The following SSH3 variants were observed in gnomAD, a reference collection of about 807,000 sequenced individuals.
The protein encoded by SSH3 is protein phosphatase Slingshot homolog 3.
A neutral mutation model predicts 75.0 loss-of-function variants in SSH3; 67 were observed. That is an observed-to-expected ratio of 0.89 (90% CI 0.73 to 1.10). The LOEUF (loss-of-function observed/expected upper bound fraction) is 1.10. SSH3 is among the 50% of genes least tolerant of loss of function. The pLI, the probability that SSH3 is intolerant of heterozygous loss-of-function variation, is 0.00. For missense variants in SSH3, 824 were observed against 872.7 expected (o/e 0.94, Z 0.70); for synonymous variants, 318 against 349.2 (o/e 0.91, Z 1.00).
chr11:67,307,381 G>A lies in SSH3; in HGVS notation c.547G>A (p.Val183Met), dbSNP rs762464804. 10 of 1,613,820 alleles carry A rather than the reference G, an allele frequency of 6.2e-6. No individual in the cohort carries two copies. The highest frequency in any genetic ancestry group is 5.0e-5 in the Admixed American group (3 of 59,990). ...VYLDGDGGFS[V>M]TSGGQSRIFK... is the part of the protein sequence containing the mutation. ...CCTGGTCTCCTGCAGGGGCTTCAGC[G>A]TGACGTCTGGTGGGCAAAGCCGGAT... Residue 183 changes from valine to methionine, a missense_variant, in exon 6 of 14, where the codon GTG becomes ATG. Val to Met is a conservative substitution (Grantham distance 21). Coordinates refer to ENST00000308127, the MANE Select transcript of SSH3 (RefSeq NM_017857.4). This position sits in a 1 kb window ranked among gnomAD's most constrained non-coding sequence, Gnocchi z 4.2.
intron 10 of SSH3, chr11:67,309,139 T>C (rs954375324): frequency 7.9e-6 from 4 of 508,444 alleles, no homozygotes; most frequent in Non-Finnish European, 1.4e-5. Context: ...AACTCATTTC[T>C]GAGAATAACT....
In SSH3 at chr11:67,311,582, C is replaced by T. The variant is rs780760742; in HGVS notation, c.1684-9C>T. On this transcript the variant is annotated splice_polypyrimidine_tract_variant and intron_variant, in intron 13 of 13. Coordinates refer to ENST00000308127, the MANE Select transcript of SSH3 (RefSeq NM_017857.4). ...CTCCCATGGCTTCCGTATCCTCACACCTGTCCAGGTCTTCTCTTCCCACGA... is the reference window on the plus strand; with the variant it reads ...CTCCCATGGCTTCCGTATCCTCACATCTGTCCAGGTCTTCTCTTCCCACGA... 4 of 1,613,822 alleles carry T rather than the reference C, an allele frequency of 2.5e-6. No individual in the cohort carries two copies. In the South Asian group the frequency reaches 4.4e-5, roughly 18 times the overall value.
At chr11:67,311,273 G>A (rs1490806745) in intron 13 of SSH3, among the ~76,000 whole-genome samples, 2 of 152,224 alleles carry the variant, frequency 1.3e-5, no homozygotes, top group African/African-American at 4.8e-5. Context: ...CGCAAAGGCA[G>A]AGAAAGCATA....
rs771867183 is a variant in SSH3, at chr11:67,308,409, C to T, written c.1015-3C>T. The T allele has an allele frequency of 6.2e-7, 1 of 1,612,666 alleles. No homozygotes were observed. Among genetic ancestry groups the T allele is most frequent in the African/African-American group, 1.3e-5 (1 of 75,026 alleles). ...GAGAAATGTGCTGTTCCCTCTCTCC[C>T]AGGGCTCAGAGTGGAACGCAGCAAA... On this transcript the variant is annotated splice_polypyrimidine_tract_variant and splice_region_variant and intron_variant, in intron 9 of 13. Transcript: ENST00000308127. This position sits in a 1 kb window ranked among gnomAD's most constrained non-coding sequence, Gnocchi z 4.9.
Position 67,307,326 on chromosome 11 carries a change from C to T in SSH3, c.537-45C>T, listed in dbSNP as rs372975037. 118 of 1,610,826 alleles carry T rather than the reference C, an allele frequency of 7.3e-5. No homozygotes were observed. Among genetic ancestry groups the T allele is most frequent in the Middle Eastern group, 3.7e-4 (2 of 5,434 alleles). Reference sequence around the variant, plus strand: ...TCCAGCAAAAGGATGGGTTCTCTGTCGCAGAGCCTGGAGTCTGGCCTCACC... The same window carrying T: ...TCCAGCAAAAGGATGGGTTCTCTGTTGCAGAGCCTGGAGTCTGGCCTCACC... On this transcript the variant is annotated intron_variant, in intron 5 of 13. Transcript: ENST00000308127. The surrounding 1 kb of genome is among the most constrained non-coding windows in gnomAD (Gnocchi z 4.2).
Position 67,308,026 on chromosome 11 carries a change from C to G in SSH3, c.885+87C>G. 6.3e-7 allele frequency: 1 copy of G among 1,599,644 alleles called. No homozygotes were observed. The highest frequency in any genetic ancestry group is 8.5e-7 in the Non-Finnish European group (1 of 1,172,184). ...GGAGCCCTCCCCACCTTGCCTGTCT[C>G]CAGTCCTGAGCCATTCCTGGATGCC... On this transcript the variant is annotated intron_variant, in intron 8 of 13. Coordinates refer to ENST00000308127, the MANE Select transcript of SSH3 (RefSeq NM_017857.4). This position sits in a 1 kb window ranked among gnomAD's most constrained non-coding sequence, Gnocchi z 4.9.
At position 67,310,133 on chromosome 11, in the gene SSH3, G is replaced by C. The variant is rs768220266; in HGVS notation, c.1477G>C (p.Val493Leu). Residue 493 changes from valine (V) to leucine (L), a missense_variant, in exon 13 of 14, where the codon GTC becomes CTC. Transcript: ENST00000308127. The stretch of plus-strand genomic sequence containing the variant: ...CCCAGAGGAGCACCCAGCCCCTGAA[G>C]TCTCTACACCATTCCCACCTCTTCC... ...VSPEEHPAPE[V>L]STPFPPLPPE... 10 of 1,614,088 alleles carry C rather than the reference G, an allele frequency of 6.2e-6. No individual in the cohort carries two copies. Among genetic ancestry groups the C allele is most frequent in the Non-Finnish European group, 8.5e-6 (10 of 1,180,054 alleles).
chr11:67,305,133 TG>T, intron 3 of SSH3, 126 bp downstream of exon 3: 2 of 886,686 alleles, frequency 2.3e-6, no homozygotes, highest in Admixed American at 5.0e-5. Context: ...TGGGGAGTGT[TG>T]GGGTTACCCA....
At chr11:67,310,402 A>G in intron 13 of SSH3, 63 bp downstream of exon 13, 1 of 1,541,970 alleles carries the variant, frequency 6.5e-7, no homozygotes, top group Non-Finnish European at 8.7e-7. Flanking sequence ...GGAGATGGGG[A>G]AAGACCAGGA....
Position 67,308,290 on chromosome 11 carries a change from C to T in SSH3, c.1002C>T (p.Pro334=), listed in dbSNP as rs768635460. 31 of 1,614,034 alleles carry T rather than the reference C, an allele frequency of 1.9e-5. No homozygotes were observed. In the South Asian group the frequency reaches 3.1e-4, roughly 16 times the overall value. ...GGGACCGAGCCTCCCGCATCTTCCC[C>T]CACCTCTACCTGGTGAGCTTCAGCC... ...AQRDRASRIF[P]HLYLGSEWNA... is the part of the protein sequence containing the mutation. Residue 334 remains proline, a synonymous_variant, in exon 9 of 14, where the codon CCC becomes CCT. Transcript: ENST00000308127. The surrounding 1 kb of genome is among the most constrained non-coding windows in gnomAD (Gnocchi z 4.9).
Position 67,310,095 on chromosome 11 carries a change from T to C in SSH3, c.1439T>C (p.Val480Ala), listed in dbSNP as rs1861369657. ...CAGAGCCATGTCTGGGAGCAGAAAG[T>C]GGGTGGGGTCTCCCCAGAGGAGCAC... is the stretch of plus-strand genomic sequence containing the variant. Reference protein sequence around the residue: ...SRQSHVWEQKVGGVSPEEHPA... With the variant: ...SRQSHVWEQKAGGVSPEEHPA... The change falls in exon 13 of 14, where the codon GTG becomes GCG. Residue 480 changes from valine (V) to alanine (A), a missense_variant. Coordinates refer to ENST00000308127, the MANE Select transcript of SSH3 (RefSeq NM_017857.4). 3 of 1,613,628 alleles carry C rather than the reference T, an allele frequency of 1.9e-6. No homozygotes were observed. The East Asian group carries it at 6.7e-5, about 36-fold the overall frequency.
At chr11:67,304,735 G>A (rs116859021) in intron 2 of SSH3, 38 bp from the exon 3 acceptor site, 19,382 of 1,558,212 alleles carry the variant, frequency 0.012, 265 homozygotes, top group South Asian at 0.034. Context: ...ACCCTAAGGG[G>A]AATGAGGAGC....
intron 3 of SSH3, 52 bp downstream of exon 3, chr11:67,305,059 G>A: frequency 6.5e-7 from 1 of 1,535,124 alleles, no homozygotes; most frequent in Non-Finnish European, 8.8e-7. Flanking sequence ...CACGCCTGAG[G>A]GCAGAATGGA....
intron 2 of SSH3, 29 bp from the exon 3 acceptor site, chr11:67,304,744 G>A (rs1056566863): frequency 6.4e-7 from 1 of 1,569,440 alleles, no homozygotes; most frequent in Non-Finnish European, 8.6e-7. Context: ...GGAATGAGGA[G>A]CCATGACAGT....
intron 1 of SSH3, 135 bp downstream of exon 1, chr11:67,303,826 G>A (rs938818452): frequency 3.3e-6 from 3 of 910,272 alleles, no homozygotes; most frequent in African/African-American, 3.6e-5. Flanking sequence ...AGGGCGCTGG[G>A]GGCCTCGAGG....
At position 67,306,961 on chromosome 11, in the gene SSH3, A is replaced by G; in HGVS notation, c.463A>G (p.Ser155Gly). Residue 155 changes from serine to glycine, a missense_variant and splice_region_variant, in exon 4 of 14, where the codon AGC becomes GGC. By Grantham distance (56) the Ser-to-Gly change is moderately conservative. Transcript: ENST00000308127. ...VLLGVDFPDSSSPSCTLGLVL... is the reference protein window; with the variant it reads ...VLLGVDFPDSGSPSCTLGLVL... ...CCTGGGCGTGGATTTCCCTGACAGC[A>G]GGTTCGAGCAGGGAGAGGAAAGGAG... is the stretch of plus-strand genomic sequence containing the variant. The G allele has an allele frequency of 6.2e-7, 1 of 1,612,352 alleles. No individual in the cohort carries two copies. Among genetic ancestry groups the G allele is most frequent in the South Asian group, 1.1e-5 (1 of 91,062 alleles).
At chr11:67,303,956 G>C in intron 1 of SSH3, 162 bp from the exon 2 acceptor site, 3 of 1,020,434 alleles carry the variant, frequency 2.9e-6, no homozygotes, top group South Asian at 1.7e-5. Flanking sequence ...CCTGGCCTTG[G>C]GCCGGGGCTC....
At chr11:67,303,959 C>A (rs1021952874) in intron 1 of SSH3, 159 bp from the exon 2 acceptor site, 2 of 1,020,658 alleles carry the variant, frequency 2.0e-6, no homozygotes, top group South Asian at 1.7e-5. Flanking sequence ...GGCCTTGGGC[C>A]GGGGCTCCAC....
rs1355440675 is a variant in SSH3 at position 67,308,811 on chromosome 11, G to A, written c.1061+353G>A. ...GCCTGTGGGCCCAGCTACTTGGGAGGCTGAGGCAGGAGGATCGCTTGAGCC... is the reference window on the plus strand; with the variant it reads ...GCCTGTGGGCCCAGCTACTTGGGAGACTGAGGCAGGAGGATCGCTTGAGCC... On this transcript the variant is annotated intron_variant, in intron 10 of 13. Coordinates refer to ENST00000308127, the MANE Select transcript of SSH3 (RefSeq NM_017857.4). This position sits in a 1 kb window ranked among gnomAD's most constrained non-coding sequence, Gnocchi z 4.9. Among the ~76,000 whole-genome samples, 1 of 152,114 alleles carries A rather than the reference G, an allele frequency of 6.6e-6. No individual in the cohort carries two copies. Among genetic ancestry groups the A allele is most frequent in the Non-Finnish European group, 1.5e-5 (1 of 68,032 alleles).
Sources: allele counts gnomAD v4.1 joint callset (sites outside exome capture counted in the v4.1 genomes callset), GRCh38; gene constraint gnomAD v4.1.1; non-coding constraint Gnocchi (gnomAD v3.1); transcripts MANE v1.5; gene names NCBI Gene and HGNC (gene_info 2026-07-23, HGNC 2026-07-21).